Variants in ODF2L observed in about 807,000 individuals in gnomAD.
The protein encoded by ODF2L is outer dense fiber of sperm tails 2 like.
A neutral mutation model predicts 86.3 loss-of-function variants in ODF2L; 76 were observed. The observed-to-expected ratio is 0.88, with a 90% CI of 0.73 to 1.07. ODF2L has a LOEUF of 1.07. Among genes scored for constraint, ODF2L ranks in the 50% least tolerant of loss-of-function variants. The pLI is 0.00. For missense variants in ODF2L, 748 were observed against 717.4 expected (o/e 1.04, Z -0.49); for synonymous variants, 241 against 231.3 (o/e 1.04, Z -0.38).
intron 1 of ODF2L, among the ~76,000 whole-genome samples, chr1:86,393,118 C>T (rs1000622318): frequency 8.5e-5 from 13 of 152,146 alleles, no homozygotes; most frequent in African/African-American, 3.1e-4. Flanking sequence ...ACACCTAGAT[C>T]AGACTAAGTA....
At chr1:86,374,874 T>C (rs1660062366) in intron 8 of ODF2L, 1 of 152,218 alleles carries the variant, frequency 6.6e-6, no homozygotes, top group Admixed American at 6.5e-5. Context: ...ATTGCTGAAC[T>C]GTTCATATTT....
At chr1:86,395,713 G>C (rs1015631868) in intron 1 of ODF2L, among the ~76,000 whole-genome samples, 1 of 152,160 alleles carries the variant, frequency 6.6e-6, no homozygotes, top group African/African-American at 2.4e-5. Context: ...CACTATTTCT[G>C]AAAGAAATGC....
At chr1:86,387,295 T>G (rs1661024293) in intron 1 of ODF2L, among the ~76,000 whole-genome samples, 1 of 148,112 alleles carries the variant, frequency 6.8e-6, no homozygotes, top group East Asian at 1.9e-4. Context: ...TTCCATACAC[T>G]GTTTCCAAAA....
chr1:86,387,164 TA>T (rs1284750967), intron 1 of ODF2L, 78 bp from the exon 2 acceptor site: 7 of 489,840 alleles, frequency 1.4e-5, no homozygotes, highest in Non-Finnish European at 2.5e-5. Flanking sequence ...ATAAAGGTTA[TA>T]AGGATGTGTA....
chr1:86,381,448 A>C (rs113271669), intron 7 of ODF2L, among the ~76,000 whole-genome samples: 10 of 152,098 alleles, frequency 6.6e-5, no homozygotes, highest in East Asian at 3.9e-4. Flanking sequence ...ACACACACAC[A>C]CCCAAACTCG....
At chr1:86,376,406 T>C in exon 8 of ODF2L, 1 of 1,591,886 alleles carries the variant, frequency 6.3e-7, no homozygotes, top group Non-Finnish European at 8.5e-7. Context: ...TTGGCTATCT[T>C]GGTTTCTAAG....
At chr1:86,349,976 C>T (rs573155176), downstream of ODF2L, 26 of 182,466 alleles carry the variant, frequency 1.4e-4, no homozygotes, top group South Asian at 4.8e-3. Flanking sequence ...AAATACTGCC[C>T]ACTTAACTGT....
At chr1:86,370,904 G>A in intron 10 of ODF2L, 114 bp downstream of exon 10, 1 of 568,466 alleles carries the variant, frequency 1.8e-6, no homozygotes, top group South Asian at 5.9e-5. Context: ...AAGCATAGAA[G>A]ACAGAATTAT....
downstream of ODF2L, chr1:86,349,366 A>G (rs1657975811): frequency 6.6e-6 from 1 of 152,280 alleles, no homozygotes; most frequent in African/African-American, 2.4e-5. Context: ...TTAAAACCAC[A>G]ATACATTTTT....
chr1:86,384,326 T>C (rs1227767322), intron 4 of ODF2L, among the ~76,000 whole-genome samples: 1 of 151,816 alleles, frequency 6.6e-6, no homozygotes, highest in African/African-American at 2.4e-5. Flanking sequence ...AAGAACTGTA[T>C]GGTATGTGAA....
At chr1:86,374,775 T>C (rs1229642856) in intron 8 of ODF2L, 2 of 152,220 alleles carry the variant, frequency 1.3e-5, no homozygotes, top group African/African-American at 2.4e-5. Context: ...AAATCCTCCT[T>C]GTCCTTGATC....
At chr1:86,360,462 T>C (rs768020995) in exon 12 of ODF2L, 2 of 1,594,872 alleles carry the variant, frequency 1.3e-6, no homozygotes, top group Non-Finnish European at 1.7e-6. Context: ...TTTTCTGTTT[T>C]TTTTCTACTT....
Position 86,352,770 on chromosome 1 carries a change from T to C in ODF2L, c.1893+89A>G, listed in dbSNP as rs568013042. 17 of 763,376 alleles carry C rather than the reference T, an allele frequency of 2.2e-5. No individual in the cohort carries two copies. In the Admixed American group the frequency reaches 3.1e-4, roughly 14 times the overall value. The allele number at this position is 763,376 out of a possible 1,614,324, so 47.3% of individuals were successfully genotyped here. A position where few individuals can be genotyped will look rare whatever the true frequency, so the allele number is the denominator to read the frequency against. On this transcript the variant is annotated intron_variant, in intron 17 of 17. Transcript: ENST00000317336. ...ATTTTTAATATTATCAGTAAAACAA[T>C]AGACTTGATTCACTCACTTTGTATT... is the stretch of plus-strand genomic sequence containing the variant.
chr1:86,375,975 T>G (rs1660139107), intron 8 of ODF2L, among the ~76,000 whole-genome samples: 1 of 152,152 alleles, frequency 6.6e-6, no homozygotes, highest in Admixed American at 6.5e-5. Flanking sequence ...CCTTTTTTTG[T>G]GTGTGGAGGC....
intron 1 of ODF2L, among the ~76,000 whole-genome samples, chr1:86,388,320 C>A (rs1282752876): frequency 6.6e-6 from 1 of 152,054 alleles, no homozygotes; most frequent in African/African-American, 2.4e-5. Flanking sequence ...TAAGTCACTG[C>A]AATCAAGAGA....
At chr1:86,387,140 C>A (rs926069676) in intron 1 of ODF2L, 54 bp from the exon 2 acceptor site, 4 of 529,694 alleles carry the variant, frequency 7.6e-6, no homozygotes, top group Non-Finnish European at 1.3e-5. Context: ...TTTGTCATTA[C>A]TCTCTCATAA....
chr1:86,382,065 T>C (rs1300454534), intron 7 of ODF2L, 177 bp downstream of exon 7: 1 of 840,594 alleles, frequency 1.2e-6, no homozygotes, highest in Non-Finnish European at 1.6e-6. Context: ...TATGTTGAAA[T>C]TTGTACCCAA....
intron 10 of ODF2L, 28 bp downstream of exon 10, chr1:86,370,990 T>C (rs778611304): frequency 1.4e-6 from 2 of 1,479,172 alleles, no homozygotes; most frequent in South Asian, 1.5e-5. Flanking sequence ...ACACAATACA[T>C]GCCTGCTCAA....
intron 10 of ODF2L, chr1:86,368,843 T>C: frequency 1.3e-6 from 1 of 779,050 alleles, no homozygotes; most frequent in Non-Finnish European, 1.8e-6. Flanking sequence ...CACCTAACAC[T>C]TCTACGTTGA....
Sources: gnomAD v4.1 joint callset for allele counts (sites outside exome capture counted in the v4.1 genomes callset) on GRCh38, gnomAD v4.1.1 for gene constraint, MANE v1.5 for transcripts, NCBI Gene and HGNC (gene_info 2026-07-23, HGNC 2026-07-21) for gene names.